The following OR51C1 variants were observed in gnomAD, a reference collection of about 807,000 sequenced individuals.
The protein encoded by OR51C1 is olfactory receptor OR51C1.
At chr11:4,694,283 T>C in the OR51C1 span, among the ~76,000 whole-genome samples, 1 of 151,916 alleles carries the variant, frequency 6.6e-6, no homozygotes, top group East Asian at 1.9e-4. Flanking sequence ...ACCTGATCTG[T>C]GTTGGGCCTA....
At chr11:4,691,051 G>C in the OR51C1 span, 1 of 456,734 alleles carries the variant, frequency 2.2e-6, no homozygotes, top group South Asian at 1.5e-5. Flanking sequence ...ACATAAGAAA[G>C]GAGGATGAGA....
At chr11:4,692,867 G>T in the OR51C1 span, among the ~76,000 whole-genome samples, 10 of 151,162 alleles carry the variant, frequency 6.6e-5, no homozygotes, top group East Asian at 3.9e-4. Context: ...AAAAAGGGGG[G>T]GTGGGGGTGT....
the OR51C1 span, among the ~76,000 whole-genome samples, chr11:4,694,603 T>C: frequency 6.8e-6 from 1 of 147,380 alleles, no homozygotes; most frequent in African/African-American, 2.5e-5. Flanking sequence ...CACACACATA[T>C]GCAGGGAGCT....
At chr11:4,691,415 A>G in the OR51C1 span, 3 of 457,780 alleles carry the variant, frequency 6.6e-6, no homozygotes, top group Admixed American at 4.7e-5. Flanking sequence ...AGCAGGCATT[A>G]AAGCTGATTT....
At chr11:4,691,161 C>A in the OR51C1 span, 2 of 456,622 alleles carry the variant, frequency 4.4e-6, no homozygotes, top group Non-Finnish European at 8.8e-6. Flanking sequence ...AGGGTGGTAG[C>A]AGTAGGAGTG....
chr11:4,695,590 T>C, the OR51C1 span, among the ~76,000 whole-genome samples: 1 of 152,198 alleles, frequency 6.6e-6, no homozygotes, highest in Non-Finnish European at 1.5e-5. Context: ...AGTAACAATC[T>C]GAATTCTTTC....
chr11:4,693,724 A>C, the OR51C1 span, among the ~76,000 whole-genome samples: 7 of 152,108 alleles, frequency 4.6e-5, no homozygotes, highest in African/African-American at 9.7e-5. Flanking sequence ...TCCGTTTCAA[A>C]AAACAAACAA....
the OR51C1 span, among the ~76,000 whole-genome samples, chr11:4,697,108 A>G: frequency 6.6e-6 from 1 of 152,254 alleles, no homozygotes; most frequent in African/African-American, 2.4e-5. Context: ...TCTGGTAAAG[A>G]CACTGAGTAT....
chr11:4,692,447 A>G, the OR51C1 span, among the ~76,000 whole-genome samples: 7 of 152,268 alleles, frequency 4.6e-5, no homozygotes, highest in Admixed American at 3.9e-4. Context: ...CTGGAAGACT[A>G]GTTCTCCAGA....
the OR51C1 span, among the ~76,000 whole-genome samples, chr11:4,695,287 T>A: frequency 6.6e-6 from 1 of 152,348 alleles, no homozygotes; most frequent in Non-Finnish European, 1.5e-5. Flanking sequence ...ACAAAATTCC[T>A]TTCCCTCTTT....
At chr11:4,694,050 G>A in the OR51C1 span, among the ~76,000 whole-genome samples, 1 of 152,158 alleles carries the variant, frequency 6.6e-6, no homozygotes, top group African/African-American at 2.4e-5. Flanking sequence ...TATCTGAGTT[G>A]TAATTTTTGT....
At chr11:4,694,392 T>C in the OR51C1 span, among the ~76,000 whole-genome samples, 1 of 151,862 alleles carries the variant, frequency 6.6e-6, no homozygotes, top group Non-Finnish European at 1.5e-5. Flanking sequence ...GAGGGTACCT[T>C]ATTCTTTTTC....
At chr11:4,693,442 C>G in the OR51C1 span, among the ~76,000 whole-genome samples, 1 of 152,176 alleles carries the variant, frequency 6.6e-6, no homozygotes, top group East Asian at 1.9e-4. Context: ...GTTGAGCAGG[C>G]TGGGCGCGGT....
At chr11:4,693,179 A>T in the OR51C1 span, among the ~76,000 whole-genome samples, 1 of 152,198 alleles carries the variant, frequency 6.6e-6, no homozygotes, top group Non-Finnish European at 1.5e-5. Context: ...GTCATTCCAC[A>T]ATGCATACAT....
the OR51C1 span, among the ~76,000 whole-genome samples, chr11:4,696,847 G>T: frequency 6.6e-6 from 1 of 152,156 alleles, no homozygotes; most frequent in Non-Finnish European, 1.5e-5. Context: ...AGTGTCATCA[G>T]TATTCTCCAT....
chr11:4,691,323 G>T, the OR51C1 span: 1 of 457,528 alleles, frequency 2.2e-6, no homozygotes, highest in Non-Finnish European at 4.4e-6. Flanking sequence ...ATTAGAGACG[G>T]CCACAAAACG....
chr11:4,696,318 A>C, the OR51C1 span, among the ~76,000 whole-genome samples: 2 of 152,142 alleles, frequency 1.3e-5, no homozygotes, highest in South Asian at 4.2e-4. Context: ...ACGACATCGA[A>C]CTCTAGTAAA....
chr11:4,697,210 C>T, the OR51C1 span, among the ~76,000 whole-genome samples: 2 of 152,116 alleles, frequency 1.3e-5, no homozygotes, highest in African/African-American at 4.8e-5. Flanking sequence ...AAAGCTCGTG[C>T]TCTCAAAAAC....
chr11:4,697,052 T>C, the OR51C1 span, among the ~76,000 whole-genome samples: 1 of 152,236 alleles, frequency 6.6e-6, no homozygotes, highest in Non-Finnish European at 1.5e-5. Flanking sequence ...ATTCTTACTA[T>C]GTCATCATGT....
Sources: allele counts gnomAD v4.1 joint callset (sites outside exome capture counted in the v4.1 genomes callset), GRCh38; gene constraint gnomAD v4.1.1; transcripts MANE v1.5; gene names NCBI Gene and HGNC (gene_info 2026-07-23, HGNC 2026-07-21).